Variants in ZNF883 observed in about 807,000 individuals in gnomAD.
The protein encoded by ZNF883 is zinc finger protein 883.
At chr9:113,008,061 C>T (rs2118627237) in intron 2 of ZNF883, among the ~76,000 whole-genome samples, 1 of 152,172 alleles carries the variant, frequency 6.6e-6, no homozygotes, top group South Asian at 2.1e-4. Flanking sequence ...GACCCTGAGT[C>T]CTTCTAAAGA....
At chr9:113,002,129 G>A (rs180857856), upstream of ZNF883, 46 of 152,232 alleles carry the variant, frequency 3.0e-4, no homozygotes, top group African/African-American at 7.0e-4. Context: ...AGACATTTAC[G>A]AAAGAAACAG....
At chr9:112,993,049 C>T (rs1340475624), downstream of ZNF883, among the ~76,000 whole-genome samples, 1 of 152,172 alleles carries the variant, frequency 6.6e-6, no homozygotes, top group Non-Finnish European at 1.5e-5. Flanking sequence ...TATTACCCAC[C>T]TTCTGAAGCC....
downstream of ZNF883, among the ~76,000 whole-genome samples, chr9:112,992,791 A>C (rs560229340): frequency 6.6e-6 from 1 of 151,730 alleles, no homozygotes; most frequent in Admixed American, 6.6e-5. Flanking sequence ...TTTTTCTCTA[A>C]TCTTGTCTGC....
At chr9:113,004,495 G>A (rs761479534) in intron 2 of ZNF883, among the ~76,000 whole-genome samples, 14 of 152,058 alleles carry the variant, frequency 9.2e-5, no homozygotes, top group African/African-American at 2.7e-4. Context: ...AGGTCATGAT[G>A]ATGGAGGCCT....
At chr9:112,997,661 T>C (rs1291773056) in exon 1 of ZNF883, 2 of 1,613,080 alleles carry the variant, frequency 1.2e-6, no homozygotes, top group East Asian at 2.2e-5. Context: ...GTGGGTTCTC[T>C]GATGTCGGAT....
chr9:112,997,886 T>C (rs750785097), exon 1 of ZNF883: 3 of 1,613,838 alleles, frequency 1.9e-6, no homozygotes, highest in Non-Finnish European at 1.7e-6. Context: ...ATTACAAGGA[T>C]AGGGTTTTTC....
chr9:113,002,598 A>G (rs924353459), upstream of ZNF883, among the ~76,000 whole-genome samples: 1 of 152,180 alleles, frequency 6.6e-6, no homozygotes, highest in Non-Finnish European at 1.5e-5. Context: ...ATCTAAAACT[A>G]TTCTAAAATA....
upstream of ZNF883, chr9:112,998,461 A>G: frequency 2.5e-6 from 1 of 405,946 alleles, no homozygotes; most frequent in Non-Finnish European, 4.2e-6. Flanking sequence ...GGTTCCTACC[A>G]TTGATGTCAT....
At chr9:112,990,549 C>T (rs1351868900) in intron 1 of ZNF883, among the ~76,000 whole-genome samples, 1 of 152,148 alleles carries the variant, frequency 6.6e-6, no homozygotes, top group African/African-American at 2.4e-5. Flanking sequence ...CATCGATGTT[C>T]ATCAGGGACA....
At chr9:112,989,139 C>A (rs1163924918) in intron 1 of ZNF883, among the ~76,000 whole-genome samples, 1 of 152,122 alleles carries the variant, frequency 6.6e-6, no homozygotes, top group African/African-American at 2.4e-5. Context: ...TTAATTAGAT[C>A]CCATTTGTCA....
upstream of ZNF883, among the ~76,000 whole-genome samples, chr9:113,000,024 A>T (rs1434060848): frequency 5.3e-5 from 8 of 152,168 alleles, no homozygotes; most frequent in African/African-American, 1.7e-4. Flanking sequence ...ATGATTTTTT[A>T]AAAAGGTGTA....
At chr9:112,997,577 T>C (rs201057560) in exon 1 of ZNF883, 1 of 1,614,180 alleles carries the variant, frequency 6.2e-7, no homozygotes, top group Non-Finnish European at 8.5e-7. Flanking sequence ...ATGAATTCTT[T>C]GATGTTGAAT....
At chr9:112,992,160 T>A (rs1201715329), downstream of ZNF883, among the ~76,000 whole-genome samples, 1 of 152,212 alleles carries the variant, frequency 6.6e-6, no homozygotes, top group Admixed American at 6.5e-5. Context: ...CTTGTTGATG[T>A]AGTTGTTTCA....
chr9:112,992,024 C>T (rs1428841332), intron 1 of ZNF883, among the ~76,000 whole-genome samples: 1 of 152,166 alleles, frequency 6.6e-6, no homozygotes, highest in Non-Finnish European at 1.5e-5. Context: ...TAGGTCTTGA[C>T]TCTTTATCCA....
chr9:113,000,221 G>A (rs544189412), upstream of ZNF883, among the ~76,000 whole-genome samples: 2 of 152,198 alleles, frequency 1.3e-5, no homozygotes, highest in African/African-American at 4.8e-5. Context: ...TAAAATAAAT[G>A]TTGTGAATAA....
upstream of ZNF883, among the ~76,000 whole-genome samples, chr9:112,999,296 C>T (rs903571405): frequency 1.3e-5 from 2 of 152,180 alleles, no homozygotes; most frequent in African/African-American, 4.8e-5. Flanking sequence ...AGTTTCTCTA[C>T]TCACAACATT....
At chr9:113,005,639 C>T (rs1429927588) in intron 2 of ZNF883, among the ~76,000 whole-genome samples, 1 of 152,150 alleles carries the variant, frequency 6.6e-6, no homozygotes, top group African/African-American at 2.4e-5. Flanking sequence ...ACCTTTGAGT[C>T]ATAAACATTG....
At chr9:112,992,118 G>A (rs565329583) in intron 1 of ZNF883, among the ~76,000 whole-genome samples, 80 of 152,280 alleles carry the variant, frequency 5.3e-4, no homozygotes, top group South Asian at 1.5e-3. Context: ...ATTTGATCCC[G>A]TCATCATTGT....
upstream of ZNF883, chr9:112,998,330 T>C: frequency 2.4e-6 from 3 of 1,229,470 alleles, no homozygotes; most frequent in Non-Finnish European, 3.2e-6. Context: ...TGTTGGCTTT[T>C]CATTTATTTC....
Sources: allele counts gnomAD v4.1 joint callset (sites outside exome capture counted in the v4.1 genomes callset), GRCh38; gene constraint gnomAD v4.1.1; transcripts MANE v1.5; gene names NCBI Gene and HGNC (gene_info 2026-07-23, HGNC 2026-07-21).